GPC5: variants seen among roughly 807,000 people sequenced by gnomAD.
The protein encoded by GPC5 is glypican 5.
GPC5 carries 47 observed loss-of-function variants against 53.9 expected under a neutral mutation model. The observed-to-expected ratio is 0.87, with a 90% confidence interval of 0.69 to 1.11. The LOEUF (loss-of-function observed/expected upper bound fraction) is 1.11, where lower values mean the gene tolerates loss of function less well. GPC5 is among the 50% of genes most tolerant of loss of function. The pLI is 0.00. For synonymous variants in GPC5, 286 were observed against 263.3 expected (o/e 1.09, Z -0.84); for missense variants, 748 against 713.1 (o/e 1.05, Z -0.56).
At position 92,472,448 on chromosome 13, in the gene GPC5, T is replaced by C. The variant is rs926004382; in HGVS notation, c.1561+327459T>C. Among the ~76,000 whole-genome samples the C allele has an allele frequency of 2.0e-5, 3 of 152,128 alleles. 1 individual carries two copies. The highest frequency in any genetic ancestry group is 2.9e-5 in the Non-Finnish European group (2 of 68,002). On this transcript the variant is annotated intron_variant, in intron 7 of 7. Coordinates refer to ENST00000377067, the MANE Select transcript of GPC5 (RefSeq NM_004466.6). ...AGCTCACGTGCAATGTTTCAATAAGTATCCAGACCCTTTCTTCTTATGAAA... is the reference window on the plus strand; with the variant it reads ...AGCTCACGTGCAATGTTTCAATAAGCATCCAGACCCTTTCTTCTTATGAAA...
intron 6 of GPC5, among the ~76,000 whole-genome samples, chr13:92,021,017 T>C (rs949572445): frequency 1.3e-5 from 2 of 152,154 alleles, no homozygotes; most frequent in African/African-American, 4.8e-5. Context: ...AAAATAAGGG[T>C]CTAATTTCAT....
intron 7 of GPC5, among the ~76,000 whole-genome samples, chr13:92,439,642 T>A (rs1301463738): frequency 6.6e-6 from 1 of 152,120 alleles, no homozygotes; most frequent in Non-Finnish European, 1.5e-5. Flanking sequence ...AAAATAAATG[T>A]ATGTTTTTAA....
intron 6 of GPC5, among the ~76,000 whole-genome samples, chr13:91,980,643 A>G (rs942725276): frequency 3.9e-5 from 6 of 152,224 alleles, no homozygotes; most frequent in Admixed American, 2.0e-4. Context: ...TCAAGTTTTT[A>G]ACTGAATTAT....
intron 7 of GPC5, among the ~76,000 whole-genome samples, chr13:92,331,831 A>G (rs914507117): frequency 6.6e-5 from 10 of 152,132 alleles, no homozygotes; most frequent in African/African-American, 2.4e-4. Flanking sequence ...AACTTTTATT[A>G]GAGATGAGTA....
chr13:92,205,722 G>A (rs1401284411), intron 7 of GPC5, among the ~76,000 whole-genome samples: 1 of 152,104 alleles, frequency 6.6e-6, no homozygotes, highest in Non-Finnish European at 1.5e-5. Context: ...AACGTTTGGA[G>A]GAGCCATTTG....
chr13:91,847,188 CA>C (rs2038860196), intron 5 of GPC5, among the ~76,000 whole-genome samples: 1 of 121,820 alleles, frequency 8.2e-6, no homozygotes, highest in South Asian at 2.7e-4. Context: ...CACTGCACTC[CA>C]AGCCTGGGCG....
chr13:92,410,748 T>A (rs1876006135), intron 7 of GPC5, among the ~76,000 whole-genome samples: 1 of 152,232 alleles, frequency 6.6e-6, no homozygotes, highest in African/African-American at 2.4e-5. Context: ...ATTGTTCTCC[T>A]CAAGCATGCA....
chr13:91,667,791 G>A (rs964478069), intron 2 of GPC5, among the ~76,000 whole-genome samples: 1 of 152,168 alleles, frequency 6.6e-6, no homozygotes, highest in African/African-American at 2.4e-5. Context: ...GTGGAGTTGA[G>A]TTGGTCCTGG....
chr13:92,551,736 A>T (rs767089980), intron 7 of GPC5, among the ~76,000 whole-genome samples: 136 of 151,886 alleles, frequency 9.0e-4, no homozygotes, highest in Non-Finnish European at 1.7e-3. Context: ...TGTAAGAAGA[A>T]ATACTGCCTG....
intron 7 of GPC5, among the ~76,000 whole-genome samples, chr13:92,184,387 T>C (rs1239112513): frequency 1.3e-5 from 2 of 152,178 alleles, no homozygotes; most frequent in African/African-American, 4.8e-5. Context: ...CTTTAGAACT[T>C]TAGCCATTGG....
chr13:92,859,657 T>A (rs1162184229), intron 7 of GPC5, among the ~76,000 whole-genome samples: 1 of 152,090 alleles, frequency 6.6e-6, no homozygotes, highest in African/African-American at 2.4e-5. Flanking sequence ...GTATATTTAA[T>A]AGATATACTT....
At chr13:92,517,035 C>T (rs985955461) in intron 7 of GPC5, among the ~76,000 whole-genome samples, 12 of 151,992 alleles carry the variant, frequency 7.9e-5, no homozygotes, top group African/African-American at 1.7e-4. Context: ...GGTTATATCC[C>T]GCGCCTGTCT....
intron 2 of GPC5, among the ~76,000 whole-genome samples, chr13:91,569,225 G>C (rs1199924069): frequency 2.0e-5 from 3 of 152,154 alleles, no homozygotes; most frequent in African/African-American, 7.2e-5. Context: ...CTTGAAATTA[G>C]TGAGGAAAGA....
chr13:91,602,968 A>ATC (rs2033227847), intron 2 of GPC5, among the ~76,000 whole-genome samples: 1 of 152,240 alleles, frequency 6.6e-6, no homozygotes, highest in South Asian at 2.1e-4. Context: ...ATTTGTTTGA[A>ATC]TCCACCAATG....
At chr13:92,349,967 T>C (rs1373183275) in intron 7 of GPC5, among the ~76,000 whole-genome samples, 1 of 152,118 alleles carries the variant, frequency 6.6e-6, no homozygotes, top group Non-Finnish European at 1.5e-5. Flanking sequence ...TTGATGAACA[T>C]AGACATAAAA....
rs952188063 is a variant in GPC5 at position 92,597,155 on chromosome 13, T to C, written c.1562-269127T>C. Among the ~76,000 whole-genome samples the C allele has an allele frequency of 1.4e-4, 22 of 152,346 alleles. No individual in the cohort carries two copies. In the East Asian group the frequency reaches 3.7e-3, roughly 25 times the overall value. On this transcript the variant is annotated intron_variant, in intron 7 of 7. Coordinates refer to ENST00000377067, the MANE Select transcript of GPC5 (RefSeq NM_004466.6). ...ACATGCATTGTCAGGTCTCACTCTT[T>C]TAATGCTTTCAGGAATTTGGCATCT...
At chr13:92,125,914 T>C (rs1382316133) in intron 6 of GPC5, among the ~76,000 whole-genome samples, 3 of 124,098 alleles carry the variant, frequency 2.4e-5, no homozygotes, top group African/African-American at 5.8e-5. Context: ...AAGGAAACAT[T>C]TGTTTTTTGG....
rs146308473 is a variant in GPC5, at chr13:91,718,520, A to T, written c.1021-10012A>T. On this transcript the variant is annotated intron_variant, in intron 3 of 7. Coordinates refer to ENST00000377067, the MANE Select transcript of GPC5 (RefSeq NM_004466.6). ...GTAGCTGGCTTTCTTCTCTTGATGA[A>T]GAAGAGTTTTGTAGTTTGTGGTGCT... is the stretch of plus-strand genomic sequence containing the variant. 9.5e-3 allele frequency among the ~76,000 whole-genome samples: 1,452 copies of T among 152,234 alleles called. 21 individuals are homozygous for T. The highest frequency in any genetic ancestry group is 0.032 in the African/African-American group (1,349 of 41,540).
intron 7 of GPC5, among the ~76,000 whole-genome samples, chr13:92,159,072 A>T (rs1363869874): frequency 6.6e-6 from 1 of 152,102 alleles, no homozygotes; most frequent in African/African-American, 2.4e-5. Context: ...TGTGCTGGTG[A>T]TTTGCCTATT....
Sources: gnomAD v4.1 joint callset for allele counts (sites outside exome capture counted in the v4.1 genomes callset) on GRCh38, gnomAD v4.1.1 for gene constraint, MANE v1.5 for transcripts, NCBI Gene and HGNC (gene_info 2026-07-23, HGNC 2026-07-21) for gene names.